The following PINLYP variants were observed in gnomAD, a reference collection of about 807,000 sequenced individuals.
PINLYP encodes phospholipase A2 inhibitor and Ly6/PLAUR domain-containing protein.
PINLYP carries 12 observed loss-of-function variants against 15.8 expected under a neutral mutation model. The ratio of observed to expected loss-of-function variants is 0.76; its 90% CI spans 0.49 to 1.23. The LOEUF is 1.23. Ranked by LOEUF, PINLYP falls within the 50% of genes most tolerant of loss-of-function variation. The pLI, the probability that PINLYP is intolerant of heterozygous loss-of-function variation, is 0.00. For synonymous variants in PINLYP, 93 were observed against 97.7 expected (o/e 0.95, Z 0.28); for missense variants, 278 against 264.2 (o/e 1.05, Z -0.36).
intron 4 of PINLYP, 56 bp from the exon 5 acceptor site, chr19:43,581,507 G>T: frequency 6.6e-7 from 1 of 1,512,112 alleles, no homozygotes. Context: ...TTGTTGGGAG[G>T]TTGGGGGAAC....
In PINLYP at chr19:43,581,467, GTCTA is replaced by G. The variant is rs1972931259; in HGVS notation, c.341-94_341-91del. ...TGTTTCCTTACCTGTAAAATGCAGT[GTCTA>G]TTAGCAACCCTGGTGTTTCCCGGGG... is the stretch of plus-strand genomic sequence containing the variant. On this transcript the variant is annotated intron_variant, in intron 4 of 5. Coordinates refer to ENST00000599207, the Ensembl canonical transcript of PINLYP. The G allele has an allele frequency of 7.3e-6, 11 of 1,510,110 alleles. No homozygotes were observed. The South Asian group carries it at 1.4e-4, about 19-fold the overall frequency. The allele number at this position is 1,510,110 out of a possible 1,614,324, so 93.5% of individuals were successfully genotyped here. A position where few individuals can be genotyped will look rare whatever the true frequency, so the allele number is the denominator to read the frequency against.
chr19:43,577,217 C>T lies in PINLYP; in HGVS notation c.26C>T (p.Thr9Ile), dbSNP rs970630069. ...ATGAGGCTCTCCAGGAGACCAGAGA[C>T]CTTTCTGCTGGCCTTTGTGTTGCTC... The change falls in exon 2 of 6, where the codon ACC (threonine) becomes ATC (isoleucine). Residue 9 changes from threonine (T) to isoleucine (I), a missense_variant. Physicochemically the swap from Thr to Ile is moderately conservative, Grantham distance 89 (BLOSUM62 -1). Coordinates refer to ENST00000599207, the Ensembl canonical transcript of PINLYP. 3.3e-6 allele frequency: 5 copies of T among 1,535,938 alleles called. No homozygotes were observed. The African/African-American group carries it at 5.5e-5, about 17-fold the overall frequency.
At chr19:43,580,760 C>A in intron 3 of PINLYP, 1 of 893,728 alleles carries the variant, frequency 1.1e-6, no homozygotes, top group Non-Finnish European at 1.3e-6. Context: ...CACTCCAGGC[C>A]ATGCACCAGA....
intron 3 of PINLYP, among the ~76,000 whole-genome samples, chr19:43,579,602 G>C (rs1449569083): frequency 6.7e-6 from 1 of 149,442 alleles, no homozygotes; most frequent in African/African-American, 2.5e-5. Flanking sequence ...ATGTGGATGA[G>C]TAAAATGAAA....
intron 2 of PINLYP, 48 bp downstream of exon 2, chr19:43,577,309 A>G: frequency 6.6e-7 from 1 of 1,518,202 alleles, no homozygotes; most frequent in Non-Finnish European, 8.8e-7. Flanking sequence ...AGGAAGAGAG[A>G]GGTCCCAGAT....
At position 43,578,674 on chromosome 19, in the gene PINLYP, CAT is replaced by C. The variant is rs756970514; in HGVS notation, c.156_157del (p.Val54AlafsTer67). ...AAGACCTGCAGCAGTGACAAGGACA[CAT>C]GTGTGCTCCTGGTCGGGAAGGCTAC... On this transcript the variant is annotated frameshift_variant, in exon 3 of 6. Transcript: ENST00000599207. LOFTEE classifies it high-confidence loss of function. The C allele has an allele frequency of 8.5e-6, 13 of 1,535,950 alleles. No individual in the cohort carries two copies. The highest frequency in any genetic ancestry group is 1.7e-4 in the Middle Eastern group (1 of 5,990).
rs991024739 is a variant in PINLYP at position 43,581,939 on chromosome 19, G to T, written c.553G>T (p.Glu185Ter). 2 of 1,536,428 alleles carry T rather than the reference G, an allele frequency of 1.3e-6. No homozygotes were observed. The highest frequency in any genetic ancestry group is 1.7e-4 in the Middle Eastern group (1 of 5,988). The stretch of plus-strand genomic sequence containing the variant: ...TATGTGCTTTACCAAGCCTGGTGCT[G>T]AAGTACCCACAGGCACCAATGTCCT... Residue 185 changes from glutamate (E) to a stop codon, truncating the protein, a stop_gained, in exon 6 of 6, where the codon GAA becomes TAA. Coordinates refer to ENST00000599207, the Ensembl canonical transcript of PINLYP. LOFTEE classifies it low-confidence loss of function (END_TRUNC).
rs952018147 is a variant in PINLYP, at chr19:43,581,619, T to G, written c.397T>G (p.Phe133Val). The G allele has an allele frequency of 5.2e-6, 8 of 1,536,492 alleles. No individual in the cohort carries two copies. The East Asian group carries it at 2.0e-4, about 38-fold the overall frequency. ...GATGTGCCCCGCCTGCACTGCGAGC[T>G]TCAGGGACAAATGCATGGGGCCCAT... is the stretch of plus-strand genomic sequence containing the variant. The change falls in exon 5 of 6, where the codon TTC (phenylalanine) becomes GTC (valine). Residue 133 changes from phenylalanine (F) to valine (V), a missense_variant. Transcript: ENST00000599207.
intron 3 of PINLYP, among the ~76,000 whole-genome samples, chr19:43,579,550 C>T (rs186355665): frequency 6.0e-5 from 9 of 150,342 alleles, no homozygotes; most frequent in African/African-American, 2.2e-4. Context: ...CCTGGCTGAG[C>T]AAATCATCGT....
intron 2 of PINLYP, 48 bp downstream of exon 2, chr19:43,577,309 AGGTCCCAGATT>A: frequency 1.3e-6 from 2 of 1,518,200 alleles, no homozygotes; most frequent in South Asian, 2.4e-5. Context: ...AGGAAGAGAG[AGGTCCCAGATT>A]GAGAGAGAGA....
chr19:43,581,146 T>C, intron 3 of PINLYP, 66 bp from the exon 4 acceptor site: 3 of 1,504,256 alleles, frequency 2.0e-6, no homozygotes, highest in South Asian at 1.2e-5. Flanking sequence ...AGGCAAGACC[T>C]TGAGGCAGGG....
intron 2 of PINLYP, among the ~76,000 whole-genome samples, chr19:43,578,247 A>G (rs1257831434): frequency 6.6e-6 from 1 of 152,110 alleles, no homozygotes; most frequent in Non-Finnish European, 1.5e-5. Context: ...AACCAGCTGG[A>G]CCTGAAGTTT....
At chr19:43,578,545 C>A in intron 2 of PINLYP, 45 bp from the exon 3 acceptor site, 2 of 1,438,058 alleles carry the variant, frequency 1.4e-6, no homozygotes, top group Non-Finnish European at 9.4e-7. Flanking sequence ...GGTCCGAAGA[C>A]CACACCACCC....
chr19:43,581,614 C>T (rs772077321), exon 5 of PINLYP: 13 of 1,536,616 alleles, frequency 8.5e-6, no homozygotes, highest in South Asian at 2.4e-5. Flanking sequence ...GCCTGCACTG[C>T]GAGCTTCAGG....
chr19:43,581,947 C>G, exon 6 of PINLYP: 1 of 1,536,448 alleles, frequency 6.5e-7, no homozygotes. Flanking sequence ...CTGAAGTACC[C>G]ACAGGCACCA....
At chr19:43,577,684 C>T (rs994459561) in intron 2 of PINLYP, among the ~76,000 whole-genome samples, 1 of 151,888 alleles carries the variant, frequency 6.6e-6, no homozygotes, top group Non-Finnish European at 1.5e-5. Flanking sequence ...AGGTGGATCA[C>T]TTGAGGTCAG....
chr19:43,577,316 A>C, intron 2 of PINLYP, 55 bp downstream of exon 2: 1 of 1,499,928 alleles, frequency 6.7e-7, no homozygotes, highest in East Asian at 2.5e-5. Context: ...GAGAGGTCCC[A>C]GATTGAGAGA....
intron 4 of PINLYP, 50 bp from the exon 5 acceptor site, chr19:43,581,513 G>A (rs966368680): frequency 1.1e-5 from 17 of 1,512,946 alleles, no homozygotes; most frequent in Admixed American, 2.0e-5. Flanking sequence ...GGAGGTTGGG[G>A]GAACGGCTTA....
chr19:43,581,974 T>A (rs1379789597), exon 6 of PINLYP: 1 of 1,536,192 alleles, frequency 6.5e-7, no homozygotes, highest in Non-Finnish European at 8.7e-7. Context: ...TCTTCCTCCA[T>A]CATATAGAGT....
Sources: gnomAD v4.1 joint callset for allele counts (sites outside exome capture counted in the v4.1 genomes callset) on GRCh38, gnomAD v4.1.1 for gene constraint, MANE v1.5 for transcripts, NCBI Gene and HGNC (gene_info 2026-07-23, HGNC 2026-07-21) for gene names.